PMPCA: variants seen among roughly 807,000 people sequenced by gnomAD.
The protein encoded by PMPCA is mitochondrial-processing peptidase subunit alpha.
A neutral mutation model predicts 59.3 loss-of-function variants in PMPCA; 47 were observed. That is an observed-to-expected ratio of 0.79 (90% CI 0.63 to 1.01). The LOEUF is 1.01. Ranked by LOEUF, PMPCA falls within the 50% of genes least tolerant of loss-of-function variation. The probability of loss-of-function intolerance (pLI) is 0.00; values close to 1 mark genes in which losing one functional copy is unlikely to be tolerated. For synonymous variants in PMPCA, 338 were observed against 290.3 expected (o/e 1.16, Z -1.67); for missense variants, 726 against 704.5 (o/e 1.03, Z -0.34).
intron 3 of PMPCA, 96 bp downstream of exon 3, chr9:136,412,665 T>A: frequency 1.3e-6 from 1 of 790,968 alleles, no homozygotes; most frequent in Middle Eastern, 2.4e-4. Flanking sequence ...ATTATCAAGT[T>A]GCTAAGTTAA....
chr9:136,415,800 T>C (rs1835257588), intron 5 of PMPCA, among the ~76,000 whole-genome samples: 3 of 152,204 alleles, frequency 2.0e-5, no homozygotes, highest in Admixed American at 2.0e-4. Context: ...GCCCAGTTAA[T>C]TTTTGTATTT....
chr9:136,423,268 C>T lies in PMPCA; in HGVS notation c.*4C>T, dbSNP rs199893991. ...GACGTACCGGCTCTTCCGGTAGAAC[C>T]GCTCCCCGGCCTGACAGACCCAGGG... is the stretch of plus-strand genomic sequence containing the variant. On this transcript the variant is annotated 3_prime_UTR_variant, in exon 13 of 13. Transcript: ENST00000371717. The T allele has an allele frequency of 2.6e-4, 426 of 1,609,074 alleles. No individual in the cohort carries two copies. The highest frequency in any genetic ancestry group is 1.6e-4 in the South Asian group (15 of 90,998).
In PMPCA at chr9:136,421,728, T is replaced by C. The variant is rs1046191277; in HGVS notation, c.1264-104T>C. On this transcript the variant is annotated intron_variant, in intron 11 of 12. Transcript: ENST00000371717. ...CGCCCGGCTGCCCTTCCCTTTCTTA[T>C]GTTCAGCTTTGGGCACAGAGATGGC... 7 of 1,124,398 alleles carry C rather than the reference T, an allele frequency of 6.2e-6. No homozygotes were observed. In the African/African-American group the frequency reaches 1.1e-4, roughly 17 times the overall value. The allele number at this position is 1,124,398 out of a possible 1,614,324, so 69.7% of individuals were successfully genotyped here. A position where few individuals can be genotyped will look rare whatever the true frequency, so the allele number is the denominator to read the frequency against.
chr9:136,422,893 T>A (rs994689708), intron 12 of PMPCA: 1 of 1,388,784 alleles, frequency 7.2e-7, no homozygotes, highest in Admixed American at 3.0e-5. Context: ...CATGTCCCCA[T>A]TTACTGAGAA....
intron 2 of PMPCA, 100 bp from the exon 3 acceptor site, chr9:136,412,386 TTAAA>T (rs1329762237): frequency 1.3e-6 from 1 of 753,444 alleles, no homozygotes; most frequent in African/African-American, 1.7e-5. Flanking sequence ...CCTCATGTAA[TTAAA>T]TCTGATTATC....
At chr9:136,421,430 G>A (rs1241129124) in intron 11 of PMPCA, among the ~76,000 whole-genome samples, 2 of 95,732 alleles carry the variant, frequency 2.1e-5, no homozygotes, top group Admixed American at 1.3e-4. Flanking sequence ...TTTTTTTTGA[G>A]ACAGAGTCTT....
chr9:136,418,177 C>T (rs1440091881), intron 8 of PMPCA, 68 bp downstream of exon 8: 3 of 1,132,930 alleles, frequency 2.6e-6, no homozygotes, highest in African/African-American at 3.0e-5. Context: ...GCCCTGCCCT[C>T]TGTCCCTGGC....
chr9:136,417,517 G>C (rs145162224), intron 7 of PMPCA, among the ~76,000 whole-genome samples: 13 of 151,164 alleles, frequency 8.6e-5, no homozygotes, highest in African/African-American at 3.2e-4. Flanking sequence ...CTGTCACCCA[G>C]GCTGGAGTGC....
chr9:136,419,429 T>G (rs1272169663), intron 11 of PMPCA: 2 of 481,544 alleles, frequency 4.2e-6, no homozygotes, highest in East Asian at 7.6e-5. Flanking sequence ...CTCTCAGCTT[T>G]GCTGGCGAAA....
intron 11 of PMPCA, among the ~76,000 whole-genome samples, 157 bp from the exon 12 acceptor site, chr9:136,421,675 G>T (rs1174785509): frequency 6.6e-6 from 1 of 152,146 alleles, no homozygotes; most frequent in Non-Finnish European, 1.5e-5. Flanking sequence ...GCCTCCCAAA[G>T]AGCTGGGATT....
intron 7 of PMPCA, among the ~76,000 whole-genome samples, chr9:136,417,620 G>A (rs1449631608): frequency 1.3e-5 from 2 of 151,914 alleles, no homozygotes; most frequent in African/African-American, 2.4e-5. Context: ...TTACCACCAC[G>A]CCCGGCTAAA....
intron 12 of PMPCA, 187 bp downstream of exon 12, chr9:136,422,163 C>T: frequency 6.5e-6 from 10 of 1,531,790 alleles, no homozygotes; most frequent in Non-Finnish European, 8.8e-6. Flanking sequence ...GACCTGGTCT[C>T]ACTTCCCGGC....
chr9:136,419,482 G>T (rs1835386218), intron 11 of PMPCA: 1 of 380,622 alleles, frequency 2.6e-6, no homozygotes. Flanking sequence ...CCTCTGTGAG[G>T]TGACTGGGGT....
In PMPCA at chr9:136,418,001, G is replaced by C. The variant is rs1329335442; in HGVS notation, c.898-16G>C. On this transcript the variant is annotated splice_polypyrimidine_tract_variant and intron_variant, in intron 7 of 12. Coordinates refer to ENST00000371717, the MANE Select transcript of PMPCA (RefSeq NM_015160.3). ...GTTTTTCACATGGCGACACTTGCTT[G>C]TTTTCTTGGTTACAGCTAGAAAGAG... 3.8e-6 allele frequency: 6 copies of C among 1,594,994 alleles called. No homozygotes were observed. Among genetic ancestry groups the C allele is most frequent in the East Asian group, 2.2e-5 (1 of 44,792 alleles).
chr9:136,417,973 A>G (rs775459573), intron 7 of PMPCA, 44 bp from the exon 8 acceptor site: 7 of 1,404,794 alleles, frequency 5.0e-6, no homozygotes, highest in Middle Eastern at 1.8e-4. Flanking sequence ...GCGAGCCCTC[A>G]TTGTTTTTCA....
At chr9:136,422,248 C>G in intron 12 of PMPCA, 8 of 1,383,752 alleles carry the variant, frequency 5.8e-6, no homozygotes, top group Non-Finnish European at 7.6e-6. Flanking sequence ...TCACTACTGC[C>G]CAGAGTTGTT....
intron 12 of PMPCA, 76 bp from the exon 13 acceptor site, chr9:136,423,019 C>T (rs1334788916): frequency 1.3e-6 from 2 of 1,510,712 alleles, no homozygotes; most frequent in East Asian, 4.9e-5. Context: ...GCCGCCCCCT[C>T]CGTGTGTTTA....
chr9:136,418,317 G>A (rs1469865959), intron 8 of PMPCA, among the ~76,000 whole-genome samples: 2 of 151,914 alleles, frequency 1.3e-5, no homozygotes, highest in Non-Finnish European at 2.9e-5. Context: ...GGCGTCTGAC[G>A]GCGCTCGTGA....
At chr9:136,422,323 A>G in intron 12 of PMPCA, 1 of 1,197,710 alleles carries the variant, frequency 8.3e-7, no homozygotes, top group South Asian at 1.7e-5. Flanking sequence ...TACGTGGAGT[A>G]GCAGTGGCTC....
Sources: gnomAD v4.1 joint callset for allele counts (sites outside exome capture counted in the v4.1 genomes callset) on GRCh38, gnomAD v4.1.1 for gene constraint, MANE v1.5 for transcripts, NCBI Gene and HGNC (gene_info 2026-07-23, HGNC 2026-07-21) for gene names.